GSDMD: variants seen among roughly 807,000 people sequenced by gnomAD.
The protein encoded by GSDMD is gasdermin-D.
GSDMD carries 46 observed loss-of-function variants against 46.7 expected under a neutral mutation model. The ratio of observed to expected loss-of-function variants is 0.99; its 90% CI spans 0.78 to 1.26. The LOEUF (loss-of-function observed/expected upper bound fraction) is 1.26. GSDMD is among the 50% of genes most tolerant of loss of function. The pLI is 0.00. For missense variants in GSDMD, 649 were observed against 638.8 expected, an observed-to-expected ratio of 1.02 and a Z score of -0.17; for synonymous variants, 307 against 283.1, an observed-to-expected ratio of 1.08 and a Z score of -0.85.
Position 143,559,315 on chromosome 8 carries a change from C to T in GSDMD, c.-4-17C>T. The T allele has an allele frequency of 1.4e-6, 2 of 1,464,374 alleles. No homozygotes were observed. Among genetic ancestry groups the T allele is most frequent in the Non-Finnish European group, 9.5e-7 (1 of 1,054,424 alleles). The allele number at this position is 1,464,374 out of a possible 1,614,324, so 90.7% of individuals were successfully genotyped here. A position where few individuals can be genotyped will look rare whatever the true frequency, so the allele number is the denominator to read the frequency against. ...CCGCCCCGAGAGCACAATGCCTGAC[C>T]CATTTCCCCTCCTCAGGAGCATGGG... On this transcript the variant is annotated splice_polypyrimidine_tract_variant and intron_variant, in intron 1 of 10. Coordinates refer to ENST00000262580, the MANE Select transcript of GSDMD (RefSeq NM_024736.7).
In GSDMD at chr8:143,559,202, G is replaced by A. The variant is rs551962050; in HGVS notation, c.-4-130G>A. ...CTTTCTGCTAGTGGGAGCATCCCAGGATGAGCTGGGCAGGGCTGTTCTGGA... is the reference window on the plus strand; with the variant it reads ...CTTTCTGCTAGTGGGAGCATCCCAGAATGAGCTGGGCAGGGCTGTTCTGGA... On this transcript the variant is annotated intron_variant, in intron 1 of 10. Transcript: ENST00000262580. 4.7e-6 allele frequency: 3 copies of A among 642,764 alleles called. No individual in the cohort carries two copies. The East Asian group carries it at 8.2e-5, about 18-fold the overall frequency. The allele number at this position is 642,764 out of a possible 1,614,324, so 39.8% of individuals were successfully genotyped here. A position where few individuals can be genotyped will look rare whatever the true frequency, so the allele number is the denominator to read the frequency against.
At chr8:143,560,302 G>C (rs1200475260) in intron 3 of GSDMD, 1 of 690,000 alleles carries the variant, frequency 1.4e-6, no homozygotes, top group Non-Finnish European at 2.6e-6. Flanking sequence ...CCGCTGCCAG[G>C]ACTGGATCCT....
intron 3 of GSDMD, 64 bp downstream of exon 3, chr8:143,560,033 T>A (rs562916625): frequency 7.4e-5 from 99 of 1,343,684 alleles, no homozygotes; most frequent in Non-Finnish European, 1.0e-4. Flanking sequence ...TGCTTTTATT[T>A]ATTTATTTAT....
intron 9 of GSDMD, 42 bp from the exon 10 acceptor site, chr8:143,562,406 G>C: frequency 1.3e-6 from 2 of 1,568,274 alleles, no homozygotes; most frequent in South Asian, 2.3e-5. Flanking sequence ...GGGCTTTCCC[G>C]GTGGGCGTTC....
intron 3 of GSDMD, 105 bp downstream of exon 3, chr8:143,560,074 A>G (rs73375262): frequency 0.19 from 218,107 of 1,130,238 alleles, 22,403 homozygotes; most frequent in Middle Eastern, 0.27. Context: ...AGGTTTTGCT[A>G]TCTCGGCCAG....
chr8:143,556,523 C>T (rs544082736), upstream of GSDMD, among the ~76,000 whole-genome samples: 2 of 152,180 alleles, frequency 1.3e-5, no homozygotes, highest in Non-Finnish European at 2.9e-5. Flanking sequence ...CCAGCCTGGG[C>T]GACAGAGAGA....
At chr8:143,555,558 G>A (rs1823285000), upstream of GSDMD, among the ~76,000 whole-genome samples, 1 of 152,180 alleles carries the variant, frequency 6.6e-6, no homozygotes, top group Non-Finnish European at 1.5e-5. Context: ...CAGGGATGCT[G>A]TGTGCCCGGC....
In GSDMD at chr8:143,560,787, C is replaced by T. The variant is rs1008407255; in HGVS notation, c.579+16C>T. The T allele has an allele frequency of 1.1e-5, 16 of 1,510,898 alleles. No homozygotes were observed. Among genetic ancestry groups the T allele is most frequent in the Middle Eastern group, 2.0e-4 (1 of 5,040 alleles). The allele number at this position is 1,510,898 out of a possible 1,614,324, so 93.6% of individuals were successfully genotyped here. A position where few individuals can be genotyped will look rare whatever the true frequency, so the allele number is the denominator to read the frequency against. On this transcript the variant is annotated intron_variant, in intron 4 of 10. Coordinates refer to ENST00000262580, the MANE Select transcript of GSDMD (RefSeq NM_024736.7). ...GTGCTTGCAGGTGTGTAGCCAGCCC[C>T]GGGCCACGCCTGGCCCCCCACGTGG... is the stretch of plus-strand genomic sequence containing the variant.
Position 143,559,964 on chromosome 8 carries a change from T to C in GSDMD, c.405T>C (p.His135=). The change falls in exon 3 of 11, where the codon CAT becomes CAC. Residue 135 remains histidine (H), a synonymous_variant. Transcript: ENST00000262580. ...VDPNTWQTLL[H]ERHLRQPEHK... ...CTAACACCTGGCAGACTCTGCTCCA[T>C]GAGAGGTGGGCCCGAAGAGGGCAGG... 1 of 1,603,226 alleles carries C rather than the reference T, an allele frequency of 6.2e-7. No homozygotes were observed.
In GSDMD at chr8:143,560,701, T is replaced by A. The variant is rs1295433303; in HGVS notation, c.509T>A (p.Val170Glu). The change falls in exon 4 of 11, where the codon GTG becomes GAG. Residue 170 changes from valine to glutamate, a missense_variant. By Grantham distance (121) the Val-to-Glu change is moderately radical (BLOSUM62 -2). Coordinates refer to ENST00000262580, the MANE Select transcript of GSDMD (RefSeq NM_024736.7). ...VTEVLQTQKE[V>E]EVTRTHKREG... is the part of the protein sequence containing the mutation. ...GAGGTGCTGCAGACACAGAAGGAGG[T>A]GGAAGTCACGCGCACCCACAAGCGG... 6.3e-7 allele frequency: 1 copy of A among 1,582,240 alleles called. No homozygotes were observed. The highest frequency in any genetic ancestry group is 8.6e-7 in the Non-Finnish European group (1 of 1,164,388).
intron 8 of GSDMD, 25 bp downstream of exon 8, chr8:143,562,156 C>T: frequency 1.9e-6 from 3 of 1,596,996 alleles, no homozygotes; most frequent in Non-Finnish European, 2.5e-6. Context: ...GTGCCCGGGG[C>T]ACACAAGGCC....
intron 6 of GSDMD, 44 bp downstream of exon 6, chr8:143,561,467 G>T: frequency 6.3e-7 from 1 of 1,580,986 alleles, no homozygotes; most frequent in South Asian, 1.1e-5. Context: ...GGTGGGAAAA[G>T]CACACTCCCT....
chr8:143,556,999 G>C (rs936106352), upstream of GSDMD, among the ~76,000 whole-genome samples: 1 of 152,212 alleles, frequency 6.6e-6, no homozygotes, highest in African/African-American at 2.4e-5. Flanking sequence ...AGCAACCGTC[G>C]CTCCCAACCC....
rs1453350882 is a variant in GSDMD, at chr8:143,561,794, C to T, written c.789C>T (p.Leu263=). Reference sequence around the variant, plus strand: ...CCTGGCCACAGCTGCCCTCTGGCCTCTCCATGATGAGGTGCCTCCACAACT... The same window carrying T: ...CCTGGCCACAGCTGCCCTCTGGCCTTTCCATGATGAGGTGCCTCCACAACT... The part of the protein sequence containing the change: ...EGAWPQLPSG[L]SMMRCLHNFL... Residue 263 remains leucine (L), a synonymous_variant, in exon 7 of 11, where the codon CTC becomes CTT. Coordinates refer to ENST00000262580, the MANE Select transcript of GSDMD (RefSeq NM_024736.7). The T allele has an allele frequency of 6.2e-7, 1 of 1,610,948 alleles. No homozygotes were observed. Among genetic ancestry groups the T allele is most frequent in the Non-Finnish European group, 8.5e-7 (1 of 1,179,010 alleles).
Position 143,563,036 on chromosome 8 carries a change from C to T in GSDMD, c.*132C>T. The T allele has an allele frequency of 9.4e-7, 1 of 1,068,046 alleles. No individual in the cohort carries two copies. Among genetic ancestry groups the T allele is most frequent in the African/African-American group, 1.7e-5 (1 of 60,078 alleles). 66.2% of individuals were successfully genotyped at this position (1,068,046 alleles called of 1,614,324 possible). Reference sequence around the variant, plus strand: ...CCATGGGGCCCAGGAGTTGGGGAAACACAATAAAGGTGGCATACGAAGGAA... The same window carrying T: ...CCATGGGGCCCAGGAGTTGGGGAAATACAATAAAGGTGGCATACGAAGGAA... On this transcript the variant is annotated 3_prime_UTR_variant, in exon 11 of 11. Coordinates refer to ENST00000262580, the MANE Select transcript of GSDMD (RefSeq NM_024736.7).
In GSDMD at chr8:143,562,475, T is replaced by C. The variant is rs1385349686; in HGVS notation, c.1166T>C (p.Leu389Pro). The C allele has an allele frequency of 6.2e-7, 1 of 1,609,374 alleles. No homozygotes were observed. The highest frequency in any genetic ancestry group is 1.7e-5 in the Admixed American group (1 of 59,946). The change falls in exon 10 of 11, where the codon CTG becomes CCG. Residue 389 changes from leucine to proline, a missense_variant. Leu to Pro is a moderately conservative substitution (Grantham distance 98). Coordinates refer to ENST00000262580, the MANE Select transcript of GSDMD (RefSeq NM_024736.7). The part of the protein sequence containing the change: ...TMLSETQHKL[L>P]AEALESQTLL... The stretch of plus-strand genomic sequence containing the variant: ...CTGAGTGAAACGCAGCACAAGCTGC[T>C]GGCGGAGGCGCTGGAGTCGCAGACC...
chr8:143,558,109 G>A, upstream of GSDMD: 1 of 519,050 alleles, frequency 1.9e-6, no homozygotes, highest in Non-Finnish European at 3.4e-6. Flanking sequence ...GGTCAGTCTG[G>A]TCTTGAACTC....
chr8:143,560,478 C>T, intron 3 of GSDMD, 125 bp from the exon 4 acceptor site: 1 of 1,046,806 alleles, frequency 9.6e-7, no homozygotes, highest in Non-Finnish European at 1.4e-6. Flanking sequence ...TGCCGGTGCC[C>T]CGGCACCCAC....
At chr8:143,554,508 C>T (rs950528920), upstream of GSDMD, among the ~76,000 whole-genome samples, 6 of 149,384 alleles carry the variant, frequency 4.0e-5, no homozygotes, top group Non-Finnish European at 7.4e-5. Flanking sequence ...ACGCACAATA[C>T]GCACGTGTGT....
Sources: gnomAD v4.1 joint callset for allele counts (sites outside exome capture counted in the v4.1 genomes callset) on GRCh38, gnomAD v4.1.1 for gene constraint, MANE v1.5 for transcripts, NCBI Gene and HGNC (gene_info 2026-07-23, HGNC 2026-07-21) for gene names.